Variants in KLF15 observed in about 807,000 individuals in gnomAD.
The protein encoded by KLF15 is KLF transcription factor 15.
A neutral mutation model predicts 24.6 loss-of-function variants in KLF15; 4 were observed. The ratio of observed to expected loss-of-function variants is 0.16; its 90% CI spans 0.08 to 0.37. The LOEUF (loss-of-function observed/expected upper bound fraction) is 0.37. Ranked by LOEUF, KLF15 falls within the 10% of genes least tolerant of loss-of-function variation. The pLI, the probability that KLF15 is intolerant of heterozygous loss-of-function variation, is 1.00. For synonymous variants in KLF15, 246 were observed against 236.3 expected, an observed-to-expected ratio of 1.04 and a Z score of -0.37; for missense variants, 496 against 560.6, an observed-to-expected ratio of 0.88 and a Z score of 1.16.
chr3:126,322,380 T>G, the KLF15 span, among the ~76,000 whole-genome samples: 697 of 152,228 alleles, frequency 4.6e-3, 7 homozygotes, highest in African/African-American at 0.016. Context: ...TGACCTGCAT[T>G]CCCCAGCTCC....
At chr3:126,313,062 T>A in the KLF15 span, among the ~76,000 whole-genome samples, 1,300 of 152,266 alleles carry the variant, frequency 8.5e-3, 15 homozygotes, top group African/African-American at 0.029. Flanking sequence ...AAATTTGGAA[T>A]TAGGCCTTTA....
At chr3:126,349,735 C>T (rs528587316) in intron 2 of KLF15, among the ~76,000 whole-genome samples, 18 of 152,280 alleles carry the variant, frequency 1.2e-4, no homozygotes, top group South Asian at 4.1e-4. Context: ...GGCCAGGAGA[C>T]GGCGCTGAAA....
At chr3:126,308,251 C>T in the KLF15 span, among the ~76,000 whole-genome samples, 1 of 152,296 alleles carries the variant, frequency 6.6e-6, no homozygotes. Flanking sequence ...CCAGCACAAC[C>T]CTGATGCAGG....
the KLF15 span, among the ~76,000 whole-genome samples, chr3:126,297,543 T>G: frequency 6.6e-6 from 1 of 152,202 alleles, no homozygotes; most frequent in Admixed American, 6.5e-5. Context: ...GAGATTTTGG[T>G]GAACCCATCA....
the KLF15 span, among the ~76,000 whole-genome samples, chr3:126,331,325 G>A: frequency 1.3e-5 from 2 of 152,176 alleles, no homozygotes; most frequent in Non-Finnish European, 2.9e-5. Context: ...CCAAACCCAG[G>A]AAATGTGCAC....
downstream of KLF15, among the ~76,000 whole-genome samples, chr3:126,339,446 C>T (rs989953356): frequency 4.6e-5 from 7 of 152,182 alleles, no homozygotes; most frequent in Non-Finnish European, 8.8e-5. Flanking sequence ...CGTGCCCTCC[C>T]GGCCCCCCAG....
At chr3:126,323,314 G>A in the KLF15 span, among the ~76,000 whole-genome samples, 1 of 142,616 alleles carries the variant, frequency 7.0e-6, no homozygotes, top group Non-Finnish European at 1.5e-5. Context: ...TTAGTAAATT[G>A]AAGGTGTCAC....
chr3:126,296,617 T>G, the KLF15 span, among the ~76,000 whole-genome samples: 1 of 152,270 alleles, frequency 6.6e-6, no homozygotes, highest in Non-Finnish European at 1.5e-5. Context: ...TCTAGGGCTA[T>G]GGCCTGAATC....
At chr3:126,355,949 G>A (rs558097539) in intron 1 of KLF15, among the ~76,000 whole-genome samples, 1 of 152,318 alleles carries the variant, frequency 6.6e-6, no homozygotes, top group South Asian at 2.1e-4. Flanking sequence ...CACGTGGGGC[G>A]GCCAGAGGCG....
chr3:126,319,462 G>A, the KLF15 span, among the ~76,000 whole-genome samples: 1 of 152,178 alleles, frequency 6.6e-6, no homozygotes, highest in African/African-American at 2.4e-5. Context: ...CAGTGTTTTG[G>A]GTTTGGCTAT....
the KLF15 span, among the ~76,000 whole-genome samples, chr3:126,326,312 A>T: frequency 2.0e-5 from 3 of 149,096 alleles, no homozygotes; most frequent in Admixed American, 6.7e-5. Context: ...TTGGTTCCAT[A>T]TGAACTTTAA....
At chr3:126,300,113 A>T in the KLF15 span, among the ~76,000 whole-genome samples, 1 of 152,142 alleles carries the variant, frequency 6.6e-6, no homozygotes, top group South Asian at 2.1e-4. Context: ...TGTATCAGCA[A>T]CGGGGGCTCT....
At chr3:126,312,948 A>C in the KLF15 span, among the ~76,000 whole-genome samples, 14 of 152,098 alleles carry the variant, frequency 9.2e-5, no homozygotes, top group African/African-American at 3.4e-4. Flanking sequence ...CTCCCCTTTT[A>C]TGAAGATCCT....
At chr3:126,318,817 T>C in the KLF15 span, among the ~76,000 whole-genome samples, 37 of 152,330 alleles carry the variant, frequency 2.4e-4, no homozygotes, top group Non-Finnish European at 2.2e-4. Flanking sequence ...ACTGATATCA[T>C]TATCACCTGG....
chr3:126,331,661 G>A, the KLF15 span, among the ~76,000 whole-genome samples: 225 of 152,346 alleles, frequency 1.5e-3, no homozygotes, highest in African/African-American at 5.1e-3. Context: ...CTCCCAGCGT[G>A]AGCGACGCAG....
intron 2 of KLF15, 32 bp downstream of exon 2, chr3:126,351,809 C>A: frequency 6.3e-7 from 1 of 1,586,880 alleles, no homozygotes; most frequent in Non-Finnish European, 8.6e-7. Context: ...TGGCTGTGCT[C>A]ACTGCCCAGG....
At chr3:126,355,401 C>T (rs572742924) in intron 1 of KLF15, among the ~76,000 whole-genome samples, 1 of 152,350 alleles carries the variant, frequency 6.6e-6, no homozygotes, top group South Asian at 2.1e-4. Context: ...AACTGCCTCT[C>T]TTCTAGTCCA....
chr3:126,351,754 T>A, intron 2 of KLF15, 87 bp downstream of exon 2: 2 of 952,108 alleles, frequency 2.1e-6, no homozygotes, highest in Non-Finnish European at 1.5e-6. Context: ...CTTCTGTTAA[T>A]GGTGGAAAAT....
the KLF15 span, among the ~76,000 whole-genome samples, chr3:126,314,185 C>T: frequency 6.6e-6 from 1 of 152,160 alleles, no homozygotes; most frequent in Admixed American, 6.5e-5. Flanking sequence ...CCCAGGATTC[C>T]TCATGGGGGC....
Sources: gnomAD v4.1 joint callset for allele counts (sites outside exome capture counted in the v4.1 genomes callset) on GRCh38, gnomAD v4.1.1 for gene constraint, MANE v1.5 for transcripts, NCBI Gene and HGNC (gene_info 2026-07-23, HGNC 2026-07-21) for gene names.